Variants in TMC2 observed in about 807,000 individuals in gnomAD.
TMC2 encodes the protein transmembrane channel like 2.
TMC2 carries 102 observed loss-of-function variants against 105.9 expected under a neutral mutation model. That is an observed-to-expected ratio of 0.96 (90% confidence interval 0.82 to 1.14). The LOEUF is 1.14. Ranked by LOEUF, TMC2 falls within the 50% of genes most tolerant of loss-of-function variation. The pLI is 0.00. For missense variants in TMC2, 1,093 were observed against 1,134.3 expected, an observed-to-expected ratio of 0.96 and a Z score of 0.52; for synonymous variants, 402 against 422.8, an observed-to-expected ratio of 0.95 and a Z score of 0.60.
intron 8 of TMC2, among the ~76,000 whole-genome samples, 173 bp from the exon 9 acceptor site, chr20:2,594,652 C>T (rs1488146131): frequency 6.6e-6 from 1 of 152,184 alleles, no homozygotes; most frequent in Admixed American, 6.5e-5. Context: ...TATGGAGGGG[C>T]TCTGGAGCCA....
chr20:2,623,766 T>C (rs1243161039), intron 16 of TMC2, among the ~76,000 whole-genome samples: 1 of 152,166 alleles, frequency 6.6e-6, no homozygotes, highest in East Asian at 1.9e-4. Flanking sequence ...ATTACAGTTG[T>C]GAACTGTCCA....
At chr20:2,622,366 C>A (rs1033698394) in intron 16 of TMC2, among the ~76,000 whole-genome samples, 6 of 152,162 alleles carry the variant, frequency 3.9e-5, no homozygotes, top group African/African-American at 7.2e-5. Context: ...AGCTCACAGA[C>A]CATATGAAAA....
At chr20:2,594,233 T>TTTTTTTTTTTTC (rs2086288785) in intron 8 of TMC2, among the ~76,000 whole-genome samples, 5 of 146,122 alleles carry the variant, frequency 3.4e-5, no homozygotes, top group Admixed American at 6.9e-5. Flanking sequence ...TCCTTTTTTT[T>TTTTTTTTTTTTC]TTTTTTTTTT....
intron 16 of TMC2, chr20:2,618,428 A>G (rs1035814245): frequency 1.3e-5 from 2 of 152,196 alleles, no homozygotes; most frequent in Non-Finnish European, 2.9e-5. Context: ...TAACACATGG[A>G]TAACTTACTA....
intron 18 of TMC2, 95 bp downstream of exon 18, chr20:2,636,099 A>C: frequency 1.9e-6 from 2 of 1,068,932 alleles, no homozygotes; most frequent in Non-Finnish European, 2.9e-6. Flanking sequence ...TGTTATCTAA[A>C]TGGCTTTCTT....
chr20:2,642,380 CAGGAGCG>C lies in TMC2; in HGVS notation c.*1032_*1038del, dbSNP rs1039088567. ...AACAGGGAGTGAAAACAGTGAATCA[CAGGAGCG>C]AGTGAGTTGCCCAGTGCCTCTTATC... On this transcript the variant is annotated 3_prime_UTR_variant, in exon 20 of 20. Transcript: ENST00000358864. 6.6e-6 allele frequency among the ~76,000 whole-genome samples: 1 copy of C among 152,130 alleles called. No individual in the cohort carries two copies. The highest frequency in any genetic ancestry group is 2.4e-5 in the African/African-American group (1 of 41,418).
chr20:2,624,914 G>C (rs371725905), intron 17 of TMC2, among the ~76,000 whole-genome samples: 6 of 152,134 alleles, frequency 3.9e-5, no homozygotes, highest in African/African-American at 1.4e-4. Context: ...ACGGTGATTC[G>C]GCCTGATCCT....
In TMC2 at chr20:2,579,214, C is replaced by G. The variant is rs572820560; in HGVS notation, c.714C>G (p.Ile238Met). The G allele has an allele frequency of 4.4e-6, 7 of 1,596,176 alleles. No individual in the cohort carries two copies. In the South Asian group the frequency reaches 7.7e-5, roughly 18 times the overall value. ...KTQCIPWEMK[I>M]KDIESHFGSS... ...AATGTATCCCCTGGGAAATGAAGAT[C>G]AAGGACATTGAAAGTGAGTATGCTG... Residue 238 changes from isoleucine to methionine, a missense_variant, in exon 6 of 20, where the codon ATC (isoleucine) becomes ATG (methionine). Ile to Met is a conservative substitution (Grantham distance 10, BLOSUM62 1). Transcript: ENST00000358864.
At chr20:2,545,352 CCTT>C (rs1355480121) in intron 2 of TMC2, among the ~76,000 whole-genome samples, 2 of 152,140 alleles carry the variant, frequency 1.3e-5, no homozygotes, top group African/African-American at 4.8e-5. Flanking sequence ...CAGTTTTTCT[CCTT>C]CTTCAATGAA....
intron 14 of TMC2, 148 bp downstream of exon 14, chr20:2,613,470 T>C (rs1207144487): frequency 8.3e-7 from 1 of 1,206,006 alleles, no homozygotes; most frequent in Non-Finnish European, 1.2e-6. Context: ...GTTTAATTTG[T>C]ATTTCCTTTA....
intron 17 of TMC2, among the ~76,000 whole-genome samples, chr20:2,626,558 T>C (rs1179081603): frequency 6.6e-6 from 1 of 152,258 alleles, no homozygotes; most frequent in Non-Finnish European, 1.5e-5. Context: ...ACTTATCTTT[T>C]GATGAGGCAA....
chr20:2,617,669 A>G (rs765175296), intron 16 of TMC2: 108 of 247,792 alleles, frequency 4.4e-4, no homozygotes, highest in Non-Finnish European at 6.6e-4. Flanking sequence ...ACAATATATA[A>G]TGATCAAATC....
intron 11 of TMC2, among the ~76,000 whole-genome samples, chr20:2,609,504 G>A (rs1024174495): frequency 6.6e-6 from 1 of 152,106 alleles, no homozygotes; most frequent in Non-Finnish European, 1.5e-5. Context: ...GGCTCAACAA[G>A]AATAAACCAA....
chr20:2,588,909 T>G (rs761738339), intron 7 of TMC2, among the ~76,000 whole-genome samples: 2 of 152,196 alleles, frequency 1.3e-5, no homozygotes, highest in East Asian at 3.8e-4. Flanking sequence ...GATGATCACA[T>G]GCTTCAGTTC....
chr20:2,613,048 C>G, intron 13 of TMC2, 146 bp from the exon 14 acceptor site: 2 of 1,085,442 alleles, frequency 1.8e-6, no homozygotes, highest in South Asian at 3.4e-5. Flanking sequence ...GGAGTCGCCT[C>G]TCTTCACACA....
chr20:2,636,793 A>G (rs1472806821), intron 18 of TMC2, among the ~76,000 whole-genome samples: 1 of 151,796 alleles, frequency 6.6e-6, no homozygotes, highest in Admixed American at 6.6e-5. Context: ...ACACCCAGCT[A>G]ATTTTTGTAT....
chr20:2,549,461 A>G (rs1315375347), intron 2 of TMC2, among the ~76,000 whole-genome samples: 1 of 152,146 alleles, frequency 6.6e-6, no homozygotes, highest in Non-Finnish European at 1.5e-5. Flanking sequence ...ATATTTTTCC[A>G]GCCAGGCATG....
In TMC2 at chr20:2,637,461, T is replaced by C. The variant is rs2086656699; in HGVS notation, c.2386-13T>C. ...TTCCTGGGCCAGGACCAACAGTTCA[T>C]TATTTCCTGCAGCTCCGTGAAGTTG... On this transcript the variant is annotated splice_polypyrimidine_tract_variant and intron_variant, in intron 18 of 19. Transcript: ENST00000358864. The C allele has an allele frequency of 1.9e-6, 3 of 1,582,800 alleles. No individual in the cohort carries two copies. The highest frequency in any genetic ancestry group is 1.3e-5 in the African/African-American group (1 of 74,242).
intron 2 of TMC2, among the ~76,000 whole-genome samples, chr20:2,541,672 AAAAAG>A (rs940116656): frequency 1.3e-5 from 2 of 151,952 alleles, no homozygotes; most frequent in African/African-American, 4.8e-5. Context: ...AAGAAAGAAA[AAAAAG>A]AAAAGAAAAA....
Sources: gnomAD v4.1 joint callset for allele counts (sites outside exome capture counted in the v4.1 genomes callset) on GRCh38, gnomAD v4.1.1 for gene constraint, MANE v1.5 for transcripts, NCBI Gene and HGNC (gene_info 2026-07-23, HGNC 2026-07-21) for gene names.